Variants in PIWIL2 observed in about 807,000 individuals in gnomAD.
PIWIL2 encodes the protein piwi-like protein 2.
A neutral mutation model predicts 116.5 loss-of-function variants in PIWIL2; 81 were observed. The ratio of observed to expected loss-of-function variants is 0.70; its 90% CI spans 0.58 to 0.84. The LOEUF (loss-of-function observed/expected upper bound fraction) is 0.84. Among genes scored for constraint, PIWIL2 ranks in the 40% least tolerant of loss-of-function variants. PIWIL2 has a pLI of 0.00. For missense variants in PIWIL2, 1,272 were observed against 1,212.3 expected, an observed-to-expected ratio of 1.05 and a Z score of -0.73; for synonymous variants, 489 against 429.5, an observed-to-expected ratio of 1.14 and a Z score of -1.71.
intron 10 of PIWIL2, among the ~76,000 whole-genome samples, chr8:22,292,889 T>C (rs1304946269): frequency 6.6e-6 from 1 of 152,218 alleles, no homozygotes; most frequent in Non-Finnish European, 1.5e-5. Context: ...TCTTAGTTTC[T>C]ATTTGGTGGC....
intron 20 of PIWIL2, among the ~76,000 whole-genome samples, chr8:22,337,776 G>T (rs1259387629): frequency 6.6e-6 from 1 of 151,320 alleles, no homozygotes; most frequent in Non-Finnish European, 1.5e-5. Context: ...AGACATACTG[G>T]AAATGACAGA....
intron 20 of PIWIL2, among the ~76,000 whole-genome samples, chr8:22,346,995 C>A (rs1208421148): frequency 6.6e-6 from 1 of 151,194 alleles, no homozygotes; most frequent in African/African-American, 2.4e-5. Flanking sequence ...ACAACATAGA[C>A]CTCATATGTA....
In PIWIL2 at chr8:22,319,659, G is replaced by A. The variant is rs186417957; in HGVS notation, c.2403+1384G>A. On this transcript the variant is annotated intron_variant, in intron 20 of 22. Coordinates refer to ENST00000356766, the MANE Select transcript of PIWIL2 (RefSeq NM_018068.5). Reference sequence around the variant, plus strand: ...ATCAGGAACTGGACAAGGCACAGCCGAGGGCTCCATTTCTCCATGTGGGCC... The same window carrying A: ...ATCAGGAACTGGACAAGGCACAGCCAAGGGCTCCATTTCTCCATGTGGGCC... Among the ~76,000 whole-genome samples, 13 of 152,300 alleles carry A rather than the reference G, an allele frequency of 8.5e-5. No homozygotes were observed. In the East Asian group the frequency reaches 2.1e-3, roughly 25 times the overall value.
At chr8:22,296,349 C>T (rs932264956) in intron 10 of PIWIL2, among the ~76,000 whole-genome samples, 1 of 152,144 alleles carries the variant, frequency 6.6e-6, no homozygotes. Context: ...CTGGCCCCCT[C>T]TTCCCTTCTT....
rs777272656 is a variant in PIWIL2, at chr8:22,345,735, CAT to C, written c.2404-7221_2404-7220del. 9.2e-5 allele frequency among the ~76,000 whole-genome samples: 14 copies of C among 152,258 alleles called. No homozygotes were observed. The East Asian group carries it at 1.3e-3, about 15-fold the overall frequency. On this transcript the variant is annotated intron_variant, in intron 20 of 22. Transcript: ENST00000356766. ...TGATGAATGGACAAACAAAATGTGA[CAT>C]ATGCATATAATGGAATACTATTCTG...
chr8:22,342,968 A>G (rs2132098762), intron 20 of PIWIL2, among the ~76,000 whole-genome samples: 1 of 152,318 alleles, frequency 6.6e-6, no homozygotes, highest in Non-Finnish European at 1.5e-5. Flanking sequence ...ACATCTCACC[A>G]AAGAGTATAG....
In PIWIL2 at chr8:22,320,259, CT is replaced by C. The variant is rs71544874; in HGVS notation, c.2403+2006del. ...TACAGGTGTGAGCTGCTGCGCCCGG[CT>C]TTTTTTTTTTTTTTTTTTTTTGAGA... On this transcript the variant is annotated intron_variant, in intron 20 of 22. Transcript: ENST00000356766. Among the ~76,000 whole-genome samples the C allele has an allele frequency of 1.7e-3, 152 of 89,606 alleles. 1 individual carries two copies. The highest frequency in any genetic ancestry group is 3.8e-3 in the African/African-American group (103 of 26,792). 58.8% of individuals were successfully genotyped at this position (89,606 alleles called of 152,430 possible). A position where few individuals can be genotyped will look rare whatever the true frequency, so the allele number is the denominator to read the frequency against.
At chr8:22,289,233 A>G (rs143151740) in intron 8 of PIWIL2, among the ~76,000 whole-genome samples, 5,528 of 150,510 alleles carry the variant, frequency 0.037, 164 homozygotes, top group Non-Finnish European at 0.057. Context: ...GCTCACTGCA[A>G]CCTCCGACTC....
intron 21 of PIWIL2, 121 bp downstream of exon 21, chr8:22,353,333 C>A: frequency 5.8e-6 from 5 of 865,704 alleles, no homozygotes; most frequent in Admixed American, 2.4e-5. Flanking sequence ...GAGAGGCTAC[C>A]GTTAAAAGAA....
chr8:22,311,827 A>C (rs1252690400), intron 16 of PIWIL2, among the ~76,000 whole-genome samples: 1 of 152,226 alleles, frequency 6.6e-6, no homozygotes, highest in South Asian at 2.1e-4. Context: ...CAAGAGGAAT[A>C]GGGAGAGAAA....
intron 20 of PIWIL2, among the ~76,000 whole-genome samples, chr8:22,335,543 C>CTTTTTTT (rs59166171): frequency 1.1e-5 from 1 of 92,220 alleles, no homozygotes; most frequent in Non-Finnish European, 2.2e-5. Flanking sequence ...ACAAAATAGA[C>CTTTTTTT]TTTTTTTTTT....
At position 22,283,019 on chromosome 8, in the gene PIWIL2, C is replaced by G; in HGVS notation, c.426-15C>G. 6.2e-7 allele frequency: 1 copy of G among 1,605,604 alleles called. No homozygotes were observed. Among genetic ancestry groups the G allele is most frequent in the Non-Finnish European group, 8.5e-7 (1 of 1,172,188 alleles). On this transcript the variant is annotated splice_polypyrimidine_tract_variant and intron_variant, in intron 4 of 22. Coordinates refer to ENST00000356766, the MANE Select transcript of PIWIL2 (RefSeq NM_018068.5). ...TTATAAAAAACCCTGATTTGCCTCT[C>G]TCTCCACATTTCAGGACGCTTGGAA...
intron 16 of PIWIL2, 96 bp from the exon 17 acceptor site, chr8:22,314,232 T>A (rs1563389045): frequency 3.8e-6 from 2 of 530,314 alleles, no homozygotes; most frequent in Admixed American, 3.9e-5. Context: ...TTAAAGGTCC[T>A]ATGGCTTTGC....
chr8:22,355,664 A>G lies in PIWIL2; in HGVS notation c.*159A>G, dbSNP rs965966166. 8.8e-6 allele frequency: 6 copies of G among 681,382 alleles called. No individual in the cohort carries two copies. The highest frequency in any genetic ancestry group is 1.5e-5 in the Non-Finnish European group (6 of 413,666). 42.2% of individuals were successfully genotyped at this position (681,382 alleles called of 1,614,324 possible). A position where few individuals can be genotyped will look rare whatever the true frequency, so the allele number is the denominator to read the frequency against. ...ATTTCTTTCTTGTCTTTTAAACCTA[A>G]TATCACCAAGAAGCAAGTTTCTGAG... On this transcript the variant is annotated 3_prime_UTR_variant, in exon 23 of 23. Transcript: ENST00000356766.
intron 19 of PIWIL2, 64 bp from the exon 20 acceptor site, chr8:22,318,106 G>C: frequency 1.0e-6 from 1 of 1,002,436 alleles, no homozygotes. Context: ...ATAAGCCATA[G>C]GCTGTCCCCT....
At chr8:22,337,904 G>T (rs952515914) in intron 20 of PIWIL2, among the ~76,000 whole-genome samples, 1 of 151,956 alleles carries the variant, frequency 6.6e-6, no homozygotes, top group Admixed American at 6.6e-5. Context: ...GACCAGCCTC[G>T]CCAACATGGC....
chr8:22,314,331 A>G lies in PIWIL2; in HGVS notation c.1993A>G (p.Lys665Glu). The change falls in exon 17 of 23, where the codon AAG becomes GAG. Residue 665 changes from lysine (K) to glutamate (E), a missense_variant. Coordinates refer to ENST00000356766, the MANE Select transcript of PIWIL2 (RefSeq NM_018068.5). The stretch of plus-strand genomic sequence containing the variant: ...GTATATACCTTATCTCCTCAAGGGG[A>G]AGATACAGATGGTTGTTTGCATCAT... ...TIQSTLGAEG[K>E]IQMVVCIIMG... 6.5e-7 allele frequency: 1 copy of G among 1,531,738 alleles called. No individual in the cohort carries two copies. The highest frequency in any genetic ancestry group is 1.3e-5 in the South Asian group (1 of 79,268). The allele number at this position is 1,531,738 out of a possible 1,614,324, so 94.9% of individuals were successfully genotyped here. A position where few individuals can be genotyped will look rare whatever the true frequency, so the allele number is the denominator to read the frequency against.
In PIWIL2 at chr8:22,281,385, A is replaced by C. The variant is rs763338857; in HGVS notation, c.295A>C (p.Ile99Leu). The C allele has an allele frequency of 6.2e-7, 1 of 1,609,486 alleles. No individual in the cohort carries two copies. The highest frequency in any genetic ancestry group is 8.5e-7 in the Non-Finnish European group (1 of 1,179,068). ...TCGGTTCTTTCTTTCAGGTAGAGGC[A>C]TTTTAGGTCGAGGCTTGTCTGCTAA... ...KREMLPSGRG[I>L]LGRGLSANLV... Residue 99 changes from isoleucine (I) to leucine (L), a missense_variant, in exon 4 of 23, where the codon ATT (isoleucine) becomes CTT (leucine). By Grantham distance (5) the Ile-to-Leu change is conservative. Transcript: ENST00000356766.
intron 20 of PIWIL2, among the ~76,000 whole-genome samples, chr8:22,326,817 T>C (rs1000121759): frequency 6.6e-6 from 1 of 152,132 alleles, no homozygotes; most frequent in East Asian, 1.9e-4. Context: ...GAACAAGTAT[T>C]TGTTTAAGTT....
Sources: allele counts gnomAD v4.1 joint callset (sites outside exome capture counted in the v4.1 genomes callset), GRCh38; gene constraint gnomAD v4.1.1; transcripts MANE v1.5; gene names NCBI Gene and HGNC (gene_info 2026-07-23, HGNC 2026-07-21).